The following GGCX variants were observed in gnomAD, a reference collection of about 807,000 sequenced individuals.
The protein encoded by GGCX is gamma-glutamyl carboxylase, also known as vitamin K-dependent gamma-carboxylase.
In GGCX, 63 loss-of-function variants were observed where a neutral mutation model predicts 88.5. That is an observed-to-expected ratio of 0.71 (90% CI 0.58 to 0.88). The LOEUF is 0.88. Among genes scored for constraint, GGCX ranks in the 40% least tolerant of loss-of-function variants. GGCX has a pLI of 0.00. For synonymous variants in GGCX, 368 were observed against 365.8 expected, an observed-to-expected ratio of 1.01 and a Z score of -0.07; for missense variants, 805 against 932.9, an observed-to-expected ratio of 0.86 and a Z score of 1.79.
At position 85,554,504 on chromosome 2, in the gene GGCX, C is replaced by T. The variant is rs1243006308; in HGVS notation, c.726-198G>A. 5.2e-5 allele frequency: 31 copies of T among 601,482 alleles called. No individual in the cohort carries two copies. The Admixed American group carries it at 6.2e-4, about 12-fold the overall frequency. 37.3% of individuals were successfully genotyped at this position (601,482 alleles called of 1,614,324 possible). A position where few individuals can be genotyped will look rare whatever the true frequency, so the allele number is the denominator to read the frequency against. Reference sequence around the variant, plus strand: ...TTGTTGAAACGAAGTTTCACTCTGTCGCCTAGGCTGGAAGGCAATGGCATG... The same window carrying T: ...TTGTTGAAACGAAGTTTCACTCTGTTGCCTAGGCTGGAAGGCAATGGCATG... On this transcript the variant is annotated intron_variant, in intron 6 of 14. Transcript: ENST00000233838.
chr2:85,553,716 C>G, intron 7 of GGCX: 1 of 555,480 alleles, frequency 1.8e-6, no homozygotes, highest in South Asian at 2.0e-5. Context: ...TCTCTTGCCT[C>G]AGCCTCCCAA....
At chr2:85,551,351 G>T in intron 12 of GGCX, 129 bp downstream of exon 12, 1 of 911,392 alleles carries the variant, frequency 1.1e-6, no homozygotes. Context: ...TTAGAGATGG[G>T]GTCTCACTCT....
rs1189364529 is a variant in GGCX, at chr2:85,549,542, G to T, written c.*392C>A. ...CGTCTGGCTAATTTTTGTATTTTTA[G>T]TAGAGAAGGGGTTTTGCCATGTTGG... On this transcript the variant is annotated 3_prime_UTR_variant, in exon 15 of 15. Coordinates refer to ENST00000233838, the MANE Select transcript of GGCX (RefSeq NM_000821.7). 4.2e-6 allele frequency: 1 copy of T among 235,722 alleles called. No homozygotes were observed. Among genetic ancestry groups the T allele is most frequent in the South Asian group, 4.9e-5 (1 of 20,578 alleles). The allele number at this position is 235,722 out of a possible 1,614,324, so 14.6% of individuals were successfully genotyped here.
rs1297397846 is a variant in GGCX, at chr2:85,550,604, C to T, written c.2035G>A (p.Glu679Lys). Residue 679 changes from glutamate to lysine, a missense_variant, in exon 14 of 15, where the codon GAG becomes AAG. By Grantham distance (56) the Glu-to-Lys change is moderately conservative. Coordinates refer to ENST00000233838, the MANE Select transcript of GGCX (RefSeq NM_000821.7). ...IERRRNTPFH[E>K]RFFRFLLRKL... is the part of the protein sequence containing the mutation. ...CGCAACAAGAAGCGGAAGAATCGCTCATGGAAAGGAGTATTTCGCCGGCGT... is the reference window on the plus strand; with the variant it reads ...CGCAACAAGAAGCGGAAGAATCGCTTATGGAAAGGAGTATTTCGCCGGCGT... 6.2e-7 allele frequency: 1 copy of T among 1,614,114 alleles called. No individual in the cohort carries two copies. The highest frequency in any genetic ancestry group is 1.7e-5 in the Admixed American group (1 of 60,020).
chr2:85,558,603 C>G lies in GGCX; in HGVS notation c.376G>C (p.Ala126Pro), dbSNP rs779119547. The change falls in exon 4 of 15, where the codon GCA (alanine) becomes CCA (proline). Residue 126 changes from alanine (A) to proline (P), a missense_variant and splice_region_variant. Around this residue, in one of 3 missense-constraint regions of GGCX, gnomAD observed 61 missense variants for 111.9 expected, o/e 0.54. Transcript: ENST00000233838. Reference sequence around the variant, plus strand: ...CACAGGCCCAGCATCATGCCCAGTGCCCCTGGGATTTGTAGGGAGAGGATT... The same window carrying G: ...CACAGGCCCAGCATCATGCCCAGTGGCCCTGGGATTTGTAGGGAGAGGATT... ...YLVYTIMFLG[A>P]LGMMLGLCYR... 6.2e-7 allele frequency: 1 copy of G among 1,611,580 alleles called. No individual in the cohort carries two copies. Among genetic ancestry groups the G allele is most frequent in the South Asian group, 1.1e-5 (1 of 91,040 alleles).
rs932523625 is a variant in GGCX, at chr2:85,545,608, C to G, written c.*4326G>C. 23 of 152,154 alleles carry G rather than the reference C, an allele frequency of 1.5e-4. No homozygotes were observed. Among genetic ancestry groups the G allele is most frequent in the Admixed American group, 1.4e-3 (21 of 15,270 alleles). The allele number at this position is 152,154 out of a possible 1,614,324, so 9.4% of individuals were successfully genotyped here. ...AAAAGCCTAAGCAAGATTTAGTCCT[C>G]CTAGTCCACTTAAGCCAAAATTCAT... On this transcript the variant is annotated 3_prime_UTR_variant, in exon 15 of 15. Coordinates refer to ENST00000233838, the MANE Select transcript of GGCX (RefSeq NM_000821.7).
chr2:85,558,758 G>T, intron 3 of GGCX, 153 bp from the exon 4 acceptor site: 1 of 868,100 alleles, frequency 1.2e-6, no homozygotes, highest in South Asian at 1.4e-5. Flanking sequence ...ATTTTAAAAA[G>T]AATTATGGGA....
Position 85,560,863 on chromosome 2 carries a change from T to G in GGCX, c.166A>C (p.Asn56His), listed in dbSNP as rs1692410727. Residue 56 changes from asparagine (N) to histidine (H), a missense_variant, in exon 2 of 15, where the codon AAT becomes CAT. This residue lies in a region of GGCX where 61 missense variants were observed against 111.9 expected (regional missense o/e 0.54). Coordinates refer to ENST00000233838, the MANE Select transcript of GGCX (RefSeq NM_000821.7). ...SSWRRLVTLL[N>H]RPTDPASLAV... Reference sequence around the variant, plus strand: ...AAGCTTGCAGGGTCCGTTGGTCGATTCAGCAGGGTCACCAGCCTCCGCCAA... The same window carrying G: ...AAGCTTGCAGGGTCCGTTGGTCGATGCAGCAGGGTCACCAGCCTCCGCCAA... 1 of 1,614,146 alleles carries G rather than the reference T, an allele frequency of 6.2e-7. No homozygotes were observed. The highest frequency in any genetic ancestry group is 2.2e-5 in the East Asian group (1 of 44,884).
At position 85,560,928 on chromosome 2, in the gene GGCX, A is replaced by G. The variant is rs373741331; in HGVS notation, c.101T>C (p.Ile34Thr). Residue 34 changes from isoleucine (I) to threonine (T), a missense_variant, in exon 2 of 15, where the codon ATA (isoleucine) becomes ACA (threonine). This residue lies in a region of GGCX where 64 missense variants were observed against 57.4 expected (regional missense o/e 1.12). Transcript: ENST00000233838. ...LISGPRQDSR[I>T]GKLLGFEWTD... ...CCACTCAAAACCCAAGAGTTTCCCT[A>G]TTCGGCTGTCCTGCCTGGGCCCTGA... 9 of 1,613,872 alleles carry G rather than the reference A, an allele frequency of 5.6e-6. No individual in the cohort carries two copies. Among genetic ancestry groups the G allele is most frequent in the Non-Finnish European group, 7.6e-6 (9 of 1,179,860 alleles).
chr2:85,547,927 G>C lies in GGCX; in HGVS notation c.*2007C>G, dbSNP rs1316383298. 1 of 152,280 alleles carries C rather than the reference G, an allele frequency of 6.6e-6. No individual in the cohort carries two copies. The highest frequency in any genetic ancestry group is 1.5e-5 in the Non-Finnish European group (1 of 68,130). The allele number at this position is 152,280 out of a possible 1,614,324, so 9.4% of individuals were successfully genotyped here. ...AATGAAAACAGATTTGGCTGGGCAC[G>C]GTGGCTCACACCTGTAATCCCAGCC... On this transcript the variant is annotated 3_prime_UTR_variant, in exon 15 of 15. Coordinates refer to ENST00000233838, the MANE Select transcript of GGCX (RefSeq NM_000821.7).
chr2:85,555,370 G>A (rs1692165418), intron 6 of GGCX, 114 bp downstream of exon 6: 2 of 699,150 alleles, frequency 2.9e-6, no homozygotes, highest in South Asian at 3.0e-5. Context: ...AGTGGACAAA[G>A]GAAGGCATGT....
chr2:85,546,182 C>T lies in GGCX; in HGVS notation c.*3752G>A, dbSNP rs72643495. On this transcript the variant is annotated 3_prime_UTR_variant, in exon 15 of 15. Coordinates refer to ENST00000233838, the MANE Select transcript of GGCX (RefSeq NM_000821.7). ...ATAGGCCACTATATAGTAATATAGG[C>T]GTGAGCCTATAATCCTAGCACTTTG... 0.12 allele frequency: 18,414 copies of T among 152,158 alleles called. 1,783 individuals carry two copies. Among genetic ancestry groups the T allele is most frequent in the East Asian group, 0.31 (1,587 of 5,172 alleles). 9.4% of individuals were successfully genotyped at this position (152,158 alleles called of 1,614,324 possible). A position where few individuals can be genotyped will look rare whatever the true frequency, so the allele number is the denominator to read the frequency against.
intron 6 of GGCX, chr2:85,554,590 G>A (rs115675984): frequency 0.015 from 6,746 of 462,296 alleles, 71 homozygotes; most frequent in Middle Eastern, 0.028. Context: ...CTCAGCCTCC[G>A]AAGTAGCTGG....
At chr2:85,559,663 C>T (rs767378618) in intron 2 of GGCX, among the ~76,000 whole-genome samples, 10 of 150,976 alleles carry the variant, frequency 6.6e-5, no homozygotes, top group Non-Finnish European at 1.3e-4. Context: ...TGCAGTGAGC[C>T]GAGATCACAC....
Position 85,553,048 on chromosome 2 carries a change from C to G in GGCX, c.1178G>C (p.Gly393Ala). 6.2e-7 allele frequency: 1 copy of G among 1,614,170 alleles called. No homozygotes were observed. The highest frequency in any genetic ancestry group is 8.5e-7 in the Non-Finnish European group (1 of 1,179,998). The change falls in exon 9 of 15, where the codon GGG becomes GCG. Residue 393 changes from glycine to alanine, a missense_variant. Transcript: ENST00000233838. ...LTQGYNNWTN[G>A]LYGYSWDMMV... Reference sequence around the variant, plus strand: ...CATGTCCCAGGAATAGCCATACAGCCCATTTGTCCAGTTGTTATAGCCCTG... The same window carrying G: ...CATGTCCCAGGAATAGCCATACAGCGCATTTGTCCAGTTGTTATAGCCCTG...
chr2:85,553,425 G>C lies in GGCX; in HGVS notation c.962C>G (p.Ser321Cys), dbSNP rs771327722. The C allele has an allele frequency of 6.2e-7, 1 of 1,613,990 alleles. No individual in the cohort carries two copies. The highest frequency in any genetic ancestry group is 1.1e-5 in the South Asian group (1 of 91,080). ...CSPEWPRKLV[S>C]YCPRRLQQLL... The stretch of plus-strand genomic sequence containing the variant: ...TTGTTGCAACCTTCGGGGGCAGTAG[G>C]ACACCAGCTTCCGAGGCCACTCAGG... The change falls in exon 8 of 15, where the codon TCC becomes TGC. Residue 321 changes from serine to cysteine, a missense_variant. By Grantham distance (112) the Ser-to-Cys change is moderately radical. Around this residue, in one of 3 missense-constraint regions of GGCX, gnomAD observed 680 missense variants for 763.7 expected, o/e 0.89. Transcript: ENST00000233838.
chr2:85,561,403 C>T lies in GGCX; in HGVS notation c.26G>A (p.Arg9Gln), dbSNP rs745564526. 5.2e-5 allele frequency: 81 copies of T among 1,572,162 alleles called. No individual in the cohort carries two copies. Among genetic ancestry groups the T allele is most frequent in the Admixed American group, 3.0e-4 (16 of 52,634 alleles). MAVSAGSA[R>Q]TSPSSDKVQK... Reference sequence around the variant, plus strand: ...AAGCCTACCTGAGCTGGGCGAGGTCCGCGCGGACCCGGCAGACACCGCCAT... The same window carrying T: ...AAGCCTACCTGAGCTGGGCGAGGTCTGCGCGGACCCGGCAGACACCGCCAT... The change falls in exon 1 of 15, where the codon CGG (arginine) becomes CAG (glutamine). Residue 9 changes from arginine to glutamine, a missense_variant. Transcript: ENST00000233838.
intron 6 of GGCX, 40 bp downstream of exon 6, chr2:85,555,444 C>A: frequency 1.0e-6 from 1 of 1,000,848 alleles, no homozygotes; most frequent in South Asian, 1.3e-5. Flanking sequence ...CTGCTCTGTA[C>A]CCATGCCTCA....
At position 85,553,244 on chromosome 2, in the gene GGCX, A is replaced by G; in HGVS notation, c.1143T>C (p.His381=). 1.2e-6 allele frequency: 2 copies of G among 1,614,240 alleles called. No homozygotes were observed. Among genetic ancestry groups the G allele is most frequent in the Non-Finnish European group, 1.7e-6 (2 of 1,180,040 alleles). Residue 381 remains histidine (H), a synonymous_variant, in exon 8 of 15, where the codon CAT becomes CAC. Coordinates refer to ENST00000233838, the MANE Select transcript of GGCX (RefSeq NM_000821.7). ...AGCCCCTACAAACCTGGGTGAGAAA[A>G]TGAGAATAGGGCAGGAATAGCTGCT... ...LLEQLFLPYS[H]FLTQGYNNWT...
Sources: gnomAD v4.1 joint callset for allele counts (sites outside exome capture counted in the v4.1 genomes callset) on GRCh38, gnomAD v4.1.1 for gene constraint, gnomAD v4.1.1 regional missense constraint, MANE v1.5 for transcripts, NCBI Gene and HGNC (gene_info 2026-07-23, HGNC 2026-07-21) for gene names.